Variants in WDR7 observed in about 807,000 individuals in gnomAD.
WDR7 encodes the protein WD repeat-containing protein 7.
WDR7 carries 46 observed loss-of-function variants against 169.4 expected under a neutral mutation model. The observed-to-expected ratio is 0.27, with a 90% CI of 0.21 to 0.35. The LOEUF is 0.35. Ranked by LOEUF, WDR7 falls within the 10% of genes least tolerant of loss-of-function variation. The pLI, the probability that WDR7 is intolerant of heterozygous loss-of-function variation, is 1.00. For synonymous variants in WDR7, 612 were observed against 666.8 expected (o/e 0.92, Z 1.27); for missense variants, 1,534 against 1,859.3 (o/e 0.83, Z 3.22).
intron 1 of WDR7, among the ~76,000 whole-genome samples, chr18:56,658,671 T>C (rs1224375798): frequency 6.6e-6 from 1 of 152,298 alleles, no homozygotes; most frequent in Non-Finnish European, 1.5e-5. Context: ...TAAACTTCCA[T>C]TAGTTGGAGC....
intron 13 of WDR7, chr18:56,721,455 T>C (rs1431709963): frequency 6.6e-6 from 1 of 152,210 alleles, no homozygotes; most frequent in Non-Finnish European, 1.5e-5. Context: ...GTAATAGCAA[T>C]GTAATAGTGA....
At chr18:56,686,709 T>C (rs1227665594) in intron 6 of WDR7, 146 bp from the exon 7 acceptor site, 2 of 646,882 alleles carry the variant, frequency 3.1e-6, no homozygotes, top group Non-Finnish European at 5.3e-6. Context: ...TTTGCTGCTT[T>C]TTACTACCGT....
At chr18:56,821,235 A>C (rs1464770474) in intron 20 of WDR7, among the ~76,000 whole-genome samples, 1 of 152,238 alleles carries the variant, frequency 6.6e-6, no homozygotes, top group Non-Finnish European at 1.5e-5. Flanking sequence ...CCATGGAAAG[A>C]AGAAAAAATA....
intron 26 of WDR7, among the ~76,000 whole-genome samples, chr18:56,997,607 CAG>C (rs2047916182): frequency 6.6e-6 from 1 of 152,148 alleles, no homozygotes; most frequent in Admixed American, 6.5e-5. Flanking sequence ...TAAAAACAAA[CAG>C]ATATAACCTA....
At chr18:56,940,423 C>G (rs2047018285) in intron 25 of WDR7, among the ~76,000 whole-genome samples, 1 of 152,042 alleles carries the variant, frequency 6.6e-6, no homozygotes, top group South Asian at 2.1e-4. Context: ...ATTCATGCAT[C>G]CCAAAATTTA....
chr18:57,007,945 C>T (rs756035883), intron 26 of WDR7, among the ~76,000 whole-genome samples: 2 of 152,154 alleles, frequency 1.3e-5, no homozygotes, highest in Admixed American at 6.5e-5. Context: ...GGGTCTATTC[C>T]TTCCACATCT....
At chr18:56,967,115 A>G (rs571648203) in intron 26 of WDR7, among the ~76,000 whole-genome samples, 1 of 152,344 alleles carries the variant, frequency 6.6e-6, no homozygotes, top group East Asian at 1.9e-4. Context: ...AATTTTATAG[A>G]TGAAACTGGA....
chr18:56,693,376 G>A (rs940852535), intron 9 of WDR7, among the ~76,000 whole-genome samples: 1 of 152,076 alleles, frequency 6.6e-6, no homozygotes, highest in African/African-American at 2.4e-5. Flanking sequence ...AGCTGAAAAT[G>A]AAAGTACACA....
intron 21 of WDR7, chr18:56,890,722 C>T (rs976191004): frequency 1.3e-5 from 2 of 152,156 alleles, no homozygotes; most frequent in Non-Finnish European, 2.9e-5. Context: ...TGGAATGAAT[C>T]TGGCCTTCCT....
intron 8 of WDR7, 22 bp from the exon 9 acceptor site, chr18:56,691,693 A>G (rs1387715352): frequency 6.3e-7 from 1 of 1,587,690 alleles, no homozygotes; most frequent in African/African-American, 1.3e-5. Context: ...TTAATTGAAT[A>G]TTGTATTTTT....
chr18:56,872,724 A>G (rs1409731798), intron 20 of WDR7: 1 of 152,140 alleles, frequency 6.6e-6, no homozygotes, highest in Non-Finnish European at 1.5e-5. Flanking sequence ...TCTTACTGTG[A>G]TAGGGTGATC....
chr18:57,026,886 G>A, intron 27 of WDR7, 118 bp from the exon 28 acceptor site: 3 of 1,050,200 alleles, frequency 2.9e-6, no homozygotes, highest in Non-Finnish European at 4.2e-6. Context: ...AACAAGCTTA[G>A]GTGAAGGAGA....
intron 20 of WDR7, among the ~76,000 whole-genome samples, chr18:56,820,339 CAAAAAAAAAA>C (rs386387798): frequency 2.1e-4 from 9 of 42,474 alleles, no homozygotes; most frequent in Non-Finnish European, 3.4e-4. Context: ...CTGACATTGT[CAAAAAAAAAA>C]AAAAAAAAAA....
At chr18:56,900,111 A>ATATATAT (rs1555707547) in intron 21 of WDR7, among the ~76,000 whole-genome samples, 3 of 137,790 alleles carry the variant, frequency 2.2e-5, no homozygotes, top group East Asian at 4.0e-4. Flanking sequence ...TATATATATA[A>ATATATAT]AATTGTTAAT....
chr18:56,741,608 G>A (rs896780794), intron 14 of WDR7, among the ~76,000 whole-genome samples: 6 of 152,116 alleles, frequency 3.9e-5, no homozygotes, highest in Non-Finnish European at 5.9e-5. Context: ...AAATGTATGT[G>A]TGCATCATGT....
At chr18:56,935,959 T>C in intron 23 of WDR7, 54 bp downstream of exon 23, 13 of 1,479,764 alleles carry the variant, frequency 8.8e-6, no homozygotes, top group Non-Finnish European at 1.2e-5. Context: ...AATTATTTGA[T>C]ACTATAAGCT....
intron 26 of WDR7, among the ~76,000 whole-genome samples, chr18:57,016,593 T>C (rs1010499967): frequency 2.6e-5 from 4 of 152,234 alleles, no homozygotes; most frequent in Non-Finnish European, 5.9e-5. Context: ...TAGAAAGTCA[T>C]GGCTTTTATT....
At chr18:56,835,947 C>T (rs2045388467) in intron 20 of WDR7, among the ~76,000 whole-genome samples, 1 of 152,086 alleles carries the variant, frequency 6.6e-6, no homozygotes, top group African/African-American at 2.4e-5. Context: ...AGTGAGGCAC[C>T]TGATGTATAA....
intron 21 of WDR7, among the ~76,000 whole-genome samples, chr18:56,885,614 G>A (rs1191546718): frequency 6.6e-6 from 1 of 151,454 alleles, no homozygotes; most frequent in East Asian, 2.0e-4. Context: ...CACGAGGTCA[G>A]ATCAAGACCA....
Sources: gnomAD v4.1 joint callset for allele counts (sites outside exome capture counted in the v4.1 genomes callset) on GRCh38, gnomAD v4.1.1 for gene constraint, MANE v1.5 for transcripts, NCBI Gene and HGNC (gene_info 2026-07-23, HGNC 2026-07-21) for gene names.